Variants in FRMD4B observed in about 807,000 individuals in gnomAD.
The protein encoded by FRMD4B is FERM domain-containing protein 4B.
In FRMD4B, 74 loss-of-function variants were observed where a neutral mutation model predicts 141.5. The ratio of observed to expected loss-of-function variants is 0.52; its 90% CI spans 0.43 to 0.63. The LOEUF (loss-of-function observed/expected upper bound fraction) is 0.63, where lower values mean the gene tolerates loss of function less well. FRMD4B is among the 30% of genes least tolerant of loss of function. The pLI, the probability that FRMD4B is intolerant of heterozygous loss-of-function variation, is 0.00. For synonymous variants in FRMD4B, 506 were observed against 467.9 expected, an observed-to-expected ratio of 1.08 and a Z score of -1.05; for missense variants, 1,366 against 1,253.4, an observed-to-expected ratio of 1.09 and a Z score of -1.36.
At chr3:69,423,938 C>G (rs1038855452) in intron 2 of FRMD4B, among the ~76,000 whole-genome samples, 4 of 152,046 alleles carry the variant, frequency 2.6e-5, no homozygotes, top group African/African-American at 9.7e-5. Flanking sequence ...TATAAGCTAC[C>G]CAGCTTATGG....
chr3:69,541,238 C>T (rs1306138075), intron 1 of FRMD4B: 4 of 152,238 alleles, frequency 2.6e-5, no homozygotes, highest in Non-Finnish European at 5.9e-5. Flanking sequence ...GGCCCAGCCT[C>T]TAGTCGCAGC....
chr3:69,194,285 A>G (rs1026291059), intron 16 of FRMD4B, among the ~76,000 whole-genome samples: 2 of 152,302 alleles, frequency 1.3e-5, no homozygotes, highest in African/African-American at 2.4e-5. Flanking sequence ...TCATCTTTCA[A>G]TGCTTCAGTT....
intron 2 of FRMD4B, among the ~76,000 whole-genome samples, chr3:69,410,726 A>AT (rs1704742541): frequency 1.2e-3 from 105 of 86,044 alleles, no homozygotes; most frequent in Non-Finnish European, 1.8e-3. Context: ...TAAATAAATA[A>AT]ATATATATAT....
chr3:69,304,421 T>C (rs1442010478), intron 3 of FRMD4B, among the ~76,000 whole-genome samples: 1 of 148,822 alleles, frequency 6.7e-6, no homozygotes, highest in Non-Finnish European at 1.5e-5. Context: ...AAGGCGGAGG[T>C]TGCAGTGAGC....
chr3:69,182,739 T>G, intron 19 of FRMD4B, 22 bp from the exon 20 acceptor site: 1 of 1,609,094 alleles, frequency 6.2e-7, no homozygotes, highest in Non-Finnish European at 8.5e-7. Flanking sequence ...AAAAGAAGAA[T>G]TCAGGAAATG....
At chr3:69,481,069 C>G (rs971676824) in intron 1 of FRMD4B, among the ~76,000 whole-genome samples, 2 of 152,152 alleles carry the variant, frequency 1.3e-5, no homozygotes, top group Non-Finnish European at 2.9e-5. Context: ...CGGAAAAGCC[C>G]AGTGTTAGGG....
chr3:69,532,345 C>A (rs1701019680), intron 1 of FRMD4B, among the ~76,000 whole-genome samples: 1 of 152,206 alleles, frequency 6.6e-6, no homozygotes, highest in South Asian at 2.1e-4. Flanking sequence ...TACACTTCCA[C>A]TGATACACTG....
intron 1 of FRMD4B, among the ~76,000 whole-genome samples, chr3:69,460,645 T>C (rs1705694536): frequency 6.6e-6 from 1 of 152,168 alleles, no homozygotes; most frequent in Admixed American, 6.5e-5. Flanking sequence ...ATGATCTCTG[T>C]CACAACTACT....
intron 11 of FRMD4B, among the ~76,000 whole-genome samples, chr3:69,201,824 G>A (rs536383084): frequency 1.9e-4 from 29 of 152,208 alleles, no homozygotes; most frequent in African/African-American, 7.0e-4. Context: ...GCAGTTGAAC[G>A]GTGTTCATTC....
intron 11 of FRMD4B, among the ~76,000 whole-genome samples, chr3:69,212,477 A>T (rs548922103): frequency 6.6e-6 from 1 of 152,094 alleles, no homozygotes; most frequent in East Asian, 1.9e-4. Flanking sequence ...GAACTGAAAT[A>T]AAAAAACCCT....
intron 5 of FRMD4B, among the ~76,000 whole-genome samples, chr3:69,273,511 T>C (rs17005591): frequency 0.027 from 4,040 of 152,208 alleles, 177 homozygotes; most frequent in African/African-American, 0.091. Flanking sequence ...CTCTGGAAAA[T>C]TGAATTTAGA....
chr3:69,327,322 A>G (rs989401455), intron 1 of FRMD4B, among the ~76,000 whole-genome samples: 11 of 152,222 alleles, frequency 7.2e-5, no homozygotes, highest in Non-Finnish European at 1.5e-4. Flanking sequence ...AGATATTGAA[A>G]ATAAACTGCA....
In FRMD4B at chr3:69,212,359, C is replaced by CAAAAAA. The variant is rs869309749; in HGVS notation, c.876+3898_876+3903dup. 5.7e-3 allele frequency among the ~76,000 whole-genome samples: 144 copies of CAAAAAA among 25,306 alleles called. 4 individuals are homozygous for CAAAAAA. Among genetic ancestry groups the CAAAAAA allele is most frequent in the Non-Finnish European group, 7.1e-3 (110 of 15,470 alleles). 16.6% of individuals were successfully genotyped at this position (25,306 alleles called of 152,430 possible). On this transcript the variant is annotated intron_variant, in intron 11 of 22. Coordinates refer to ENST00000398540, the MANE Select transcript of FRMD4B (RefSeq NM_015123.3). ...TGGGCAACAGAGCGAAACCCCGTCT[C>CAAAAAA]AAAAAAAAAAAAAAAAAAAAAGAAA...
At chr3:69,196,467 C>T (rs1204605679) in intron 13 of FRMD4B, 71 bp from the exon 14 acceptor site, 6 of 1,214,874 alleles carry the variant, frequency 4.9e-6, no homozygotes, top group East Asian at 2.4e-5. Flanking sequence ...ATTAAGTTAA[C>T]ATACAATAAA....
chr3:69,172,799 C>T (rs765135572), intron 22 of FRMD4B, among the ~76,000 whole-genome samples: 11 of 152,028 alleles, frequency 7.2e-5, no homozygotes, highest in East Asian at 1.9e-4. Flanking sequence ...ATTATTGTAA[C>T]GGTAGGTTAA....
chr3:69,334,915 C>T (rs1702492474), intron 1 of FRMD4B, among the ~76,000 whole-genome samples: 1 of 152,202 alleles, frequency 6.6e-6, no homozygotes, highest in Non-Finnish European at 1.5e-5. Context: ...TCAAGCAACA[C>T]ACAGGGTGAT....
intron 1 of FRMD4B, among the ~76,000 whole-genome samples, chr3:69,380,478 G>C (rs910844060): frequency 3.9e-5 from 6 of 152,156 alleles, no homozygotes; most frequent in African/African-American, 1.4e-4. Context: ...TTGAGCATTT[G>C]CTTGTGCCAG....
intron 1 of FRMD4B, among the ~76,000 whole-genome samples, chr3:69,450,686 G>A (rs1309718024): frequency 1.3e-5 from 2 of 151,436 alleles, no homozygotes; most frequent in Non-Finnish European, 2.9e-5. Flanking sequence ...CCCAGGAGGC[G>A]GAAGTTGCAG....
chr3:69,302,676 A>G (rs1701255306), intron 3 of FRMD4B, among the ~76,000 whole-genome samples: 2 of 152,222 alleles, frequency 1.3e-5, no homozygotes, highest in South Asian at 4.1e-4. Context: ...CATGTGAGAA[A>G]TAATTTGTAT....
Sources: gnomAD v4.1 joint callset for allele counts (sites outside exome capture counted in the v4.1 genomes callset) on GRCh38, gnomAD v4.1.1 for gene constraint, MANE v1.5 for transcripts, NCBI Gene and HGNC (gene_info 2026-07-23, HGNC 2026-07-21) for gene names.